TENM2: variants seen among roughly 807,000 people sequenced by gnomAD.
TENM2 encodes the protein teneurin transmembrane protein 2.
A neutral mutation model predicts 245.2 loss-of-function variants in TENM2; 52 were observed. The observed-to-expected ratio is 0.21, with a 90% confidence interval of 0.17 to 0.27. The LOEUF is 0.27. Among genes scored for constraint, TENM2 ranks in the 10% least tolerant of loss-of-function variants. The pLI is 1.00. For missense variants in TENM2, 3,046 were observed against 3,666.8 expected, an observed-to-expected ratio of 0.83 and a Z score of 4.37; for synonymous variants, 1,363 against 1,438.9, an observed-to-expected ratio of 0.95 and a Z score of 1.19.
chr5:167,285,185 C>T lies in TENM2; in HGVS notation c.226+122C>T, dbSNP rs371901574. 5 of 699,184 alleles carry T rather than the reference C, an allele frequency of 7.2e-6. No individual in the cohort carries two copies. The South Asian group carries it at 8.9e-5, about 13-fold the overall frequency. 43.3% of individuals were successfully genotyped at this position (699,184 alleles called of 1,614,324 possible). A position where few individuals can be genotyped will look rare whatever the true frequency, so the allele number is the denominator to read the frequency against. ...TTGACAGATGTACCCTACAGCAGAC[C>T]CTTGGTTCCATAAAGGACATTCCTA... On this transcript the variant is annotated intron_variant, in intron 1 of 28. Coordinates refer to ENST00000518659, the Ensembl canonical transcript of TENM2.
At position 168,253,336 on chromosome 5, in the gene TENM2, C is replaced by G. The variant is rs11951316; in HGVS notation, c.7432+4965C>G. Among the ~76,000 whole-genome samples, 442 of 151,946 alleles carry G rather than the reference C, an allele frequency of 2.9e-3. 1 individual carries two copies. The highest frequency in any genetic ancestry group is 0.01 in the African/African-American group (425 of 41,446). On this transcript the variant is annotated intron_variant, in intron 27 of 28. Coordinates refer to ENST00000518659, the Ensembl canonical transcript of TENM2. The stretch of plus-strand genomic sequence containing the variant: ...CAGTCACCTTATGGGGTCTTGAAAA[C>G]TAAATGCATCATGACATGTAAAGTG...
Position 167,876,205 on chromosome 5 carries a change from C to T in TENM2, c.712+10C>T, listed in dbSNP as rs549348179. On this transcript the variant is annotated intron_variant, in intron 3 of 28. Transcript: ENST00000518659. ...CAAGCCTCCAGCAGTGGTAAGGAAA[C>T]TCCGTGGTGTCTGAATGTGTGGTGT... The T allele has an allele frequency of 3.9e-6, 6 of 1,544,660 alleles. No homozygotes were observed. Among genetic ancestry groups the T allele is most frequent in the East Asian group, 2.4e-5 (1 of 40,864 alleles).
At chr5:167,430,486 A>G (rs1764150408) in intron 2 of TENM2, among the ~76,000 whole-genome samples, 1 of 151,782 alleles carries the variant, frequency 6.6e-6, no homozygotes, top group African/African-American at 2.4e-5. Flanking sequence ...ATTTTTGACA[A>G]TTTTCTCTGA....
chr5:167,644,335 CAT>C (rs760453935), intron 2 of TENM2, among the ~76,000 whole-genome samples: 5 of 152,222 alleles, frequency 3.3e-5, no homozygotes, highest in Admixed American at 6.5e-5. Flanking sequence ...TCTCACATAA[CAT>C]GTGGCTTTTT....
the TENM2 span, among the ~76,000 whole-genome samples, chr5:167,217,456 A>G: frequency 6.6e-6 from 1 of 152,022 alleles, no homozygotes; most frequent in South Asian, 2.1e-4. Flanking sequence ...AACCAACGCT[A>G]TTTACTTGAA....
chr5:168,186,571 T>C (rs1485970201), intron 13 of TENM2: 1 of 152,158 alleles, frequency 6.6e-6, no homozygotes, highest in Non-Finnish European at 1.5e-5. Flanking sequence ...CTAAGTCGCT[T>C]TCCCATAACC....
upstream of TENM2, among the ~76,000 whole-genome samples, chr5:167,280,756 GTCTATCTATCTA>G (rs70976408): frequency 0.011 from 1,576 of 145,934 alleles, 33 homozygotes; most frequent in African/African-American, 0.035. Context: ...CTATCTGTCT[GTCTATCTATCTA>G]TCTATCTATC....
intron 2 of TENM2, among the ~76,000 whole-genome samples, chr5:167,730,643 A>G (rs1760359082): frequency 6.6e-6 from 1 of 152,232 alleles, no homozygotes; most frequent in Non-Finnish European, 1.5e-5. Context: ...CTTTGTTCAC[A>G]TCAGAGATGT....
intron 2 of TENM2, among the ~76,000 whole-genome samples, chr5:167,559,836 G>A (rs988864200): frequency 3.9e-5 from 6 of 152,238 alleles, no homozygotes; most frequent in Admixed American, 2.6e-4. Context: ...AGGTGTTTTC[G>A]TGCTTCAAAT....
the TENM2 span, among the ~76,000 whole-genome samples, chr5:167,042,699 AGATT>A: frequency 1.3e-5 from 2 of 152,346 alleles, no homozygotes; most frequent in East Asian, 3.9e-4. Flanking sequence ...AAGTATGAAA[AGATT>A]CAGTTATAGA....
intron 2 of TENM2, among the ~76,000 whole-genome samples, chr5:167,672,195 A>G (rs994217696): frequency 6.6e-6 from 1 of 152,134 alleles, no homozygotes; most frequent in Admixed American, 6.6e-5. Flanking sequence ...TCATAAAATA[A>G]CAAAAGACAA....
At chr5:167,379,931 C>CAAAAAA (rs10622295) in intron 2 of TENM2, among the ~76,000 whole-genome samples, 2 of 132,268 alleles carry the variant, frequency 1.5e-5, no homozygotes, top group African/African-American at 5.5e-5. Context: ...AAAAACATAC[C>CAAAAAA]AAAAAAAAAA....
intron 10 of TENM2, among the ~76,000 whole-genome samples, chr5:168,121,240 G>C (rs921829183): frequency 2.0e-5 from 3 of 152,100 alleles, no homozygotes; most frequent in African/African-American, 4.8e-5. Context: ...CTGATGTTTC[G>C]AGGCACATGG....
chr5:167,695,561 T>C (rs1445800905), intron 2 of TENM2, among the ~76,000 whole-genome samples: 1 of 152,152 alleles, frequency 6.6e-6, no homozygotes, highest in Non-Finnish European at 1.5e-5. Flanking sequence ...ATATGAATTT[T>C]ACATTTTAAC....
intron 2 of TENM2, among the ~76,000 whole-genome samples, chr5:167,822,815 C>T (rs368373759): frequency 6.6e-6 from 1 of 152,156 alleles, no homozygotes; most frequent in East Asian, 1.9e-4. Flanking sequence ...TTAGGCAAAT[C>T]GATTAACATT....
At chr5:167,180,272 G>T in the TENM2 span, among the ~76,000 whole-genome samples, 11 of 151,864 alleles carry the variant, frequency 7.2e-5, no homozygotes, top group Non-Finnish European at 1.2e-4. Context: ...ACCACACGGG[G>T]CTCATTTTGT....
intron 2 of TENM2, among the ~76,000 whole-genome samples, chr5:167,418,805 A>G (rs1426615530): frequency 6.6e-6 from 1 of 152,168 alleles, no homozygotes; most frequent in Non-Finnish European, 1.5e-5. Context: ...AGGATGGGGA[A>G]ATCAACATTG....
the TENM2 span, among the ~76,000 whole-genome samples, chr5:167,273,509 A>G: frequency 6.6e-6 from 1 of 152,174 alleles, no homozygotes. Flanking sequence ...ACTCATCATA[A>G]GCAATAAATA....
At chr5:168,241,261 T>TC (rs1292950289) in intron 25 of TENM2, 1 of 122,878 alleles carries the variant, frequency 8.1e-6, no homozygotes, top group Non-Finnish European at 1.9e-5. Flanking sequence ...TTCTTTTTGT[T>TC]CTTTTTTTTT....
Sources: allele counts gnomAD v4.1 joint callset (sites outside exome capture counted in the v4.1 genomes callset), GRCh38; gene constraint gnomAD v4.1.1; transcripts MANE v1.5; gene names NCBI Gene and HGNC (gene_info 2026-07-23, HGNC 2026-07-21).